SVIL: variants seen among roughly 807,000 people sequenced by gnomAD.
SVIL encodes archvillin.
Under a neutral mutation model 240.4 loss-of-function variants are expected in SVIL, and 101 were observed. The ratio of observed to expected loss-of-function variants is 0.42; its 90% CI spans 0.36 to 0.50. The LOEUF (loss-of-function observed/expected upper bound fraction) is 0.50. SVIL is among the 20% of genes least tolerant of loss of function. The probability of loss-of-function intolerance (pLI) is 0.01; values close to 1 mark genes in which losing one functional copy is unlikely to be tolerated. For synonymous variants in SVIL, 999 were observed against 1,100.0 expected (o/e 0.91, Z 1.82); for missense variants, 2,512 against 2,818.7 (o/e 0.89, Z 2.46).
chr10:29,515,532 T>C (rs1414902922), intron 16 of SVIL, among the ~76,000 whole-genome samples: 1 of 152,210 alleles, frequency 6.6e-6, no homozygotes, highest in Non-Finnish European at 1.5e-5. Context: ...TCCTTCCAGT[T>C]CATGATCTTG....
intron 12 of SVIL, among the ~76,000 whole-genome samples, chr10:29,528,642 G>A (rs1311171131): frequency 6.6e-6 from 1 of 152,132 alleles, no homozygotes; most frequent in Non-Finnish European, 1.5e-5. Context: ...GGAGGCTGAG[G>A]TTGGAGGGTC....
chr10:29,593,354 T>C (rs1956461984), intron 1 of SVIL, among the ~76,000 whole-genome samples: 1 of 152,186 alleles, frequency 6.6e-6, no homozygotes, highest in Non-Finnish European at 1.5e-5. Context: ...ACATAAAGGA[T>C]ATAGGCTGGT....
intron 2 of SVIL, among the ~76,000 whole-genome samples, chr10:29,663,547 G>A (rs1224279797): frequency 6.6e-6 from 1 of 152,084 alleles, no homozygotes; most frequent in Non-Finnish European, 1.5e-5. Flanking sequence ...GTAGAGACGG[G>A]GTTTCACCAT....
chr10:29,656,141 T>C (rs1247007546), intron 3 of SVIL, among the ~76,000 whole-genome samples: 2 of 151,842 alleles, frequency 1.3e-5, no homozygotes, highest in Non-Finnish European at 2.9e-5. Context: ...AGTGCTGGTA[T>C]TACAGGTGTG....
At chr10:29,466,773 T>C (rs1944976775) in intron 33 of SVIL, among the ~76,000 whole-genome samples, 1 of 152,188 alleles carries the variant, frequency 6.6e-6, no homozygotes, top group East Asian at 1.9e-4. Flanking sequence ...TTTTTTAAAA[T>C]AGATATTATA....
At chr10:29,642,594 A>G (rs916642307) in intron 3 of SVIL, among the ~76,000 whole-genome samples, 4 of 152,184 alleles carry the variant, frequency 2.6e-5, no homozygotes, top group African/African-American at 9.7e-5. Context: ...TCATATTACC[A>G]GGACCTAGCA....
chr10:29,496,724 A>C (rs1458909476), intron 18 of SVIL, among the ~76,000 whole-genome samples: 1 of 152,266 alleles, frequency 6.6e-6, no homozygotes, highest in Non-Finnish European at 1.5e-5. Flanking sequence ...TCTAGGTACA[A>C]CAACCAGTCA....
chr10:29,471,326 T>C, intron 30 of SVIL, 83 bp from the exon 31 acceptor site: 2 of 1,102,060 alleles, frequency 1.8e-6, no homozygotes, highest in East Asian at 5.3e-5. Flanking sequence ...TTGCAGAAAA[T>C]CTGAAAAATA....
At chr10:29,507,562 T>TACAC (rs57620492) in intron 17 of SVIL, among the ~76,000 whole-genome samples, 66,605 of 151,006 alleles carry the variant, frequency 0.44, 15,269 homozygotes, top group African/African-American at 0.55. Context: ...CACTCATAGA[T>TACAC]ACACACTCTC....
At chr10:29,663,353 CT>C (rs1959179938) in intron 2 of SVIL, among the ~76,000 whole-genome samples, 1 of 152,086 alleles carries the variant, frequency 6.6e-6, no homozygotes, top group African/African-American at 2.4e-5. Flanking sequence ...CTTTTCTGTA[CT>C]TTACCTCTCA....
chr10:29,735,186 G>C lies in SVIL; in HGVS notation c.-400+565C>G, dbSNP rs1381290083. Among the ~76,000 whole-genome samples the C allele has an allele frequency of 6.6e-6, 1 of 152,122 alleles. No individual in the cohort carries two copies. The highest frequency in any genetic ancestry group is 6.5e-5 in the Admixed American group (1 of 15,290). ...CGCAGAAACGTGGGCAGCTGGGGTGGCCTGGCGCACCACGCATCGGGTTCA... is the reference window on the plus strand; with the variant it reads ...CGCAGAAACGTGGGCAGCTGGGGTGCCCTGGCGCACCACGCATCGGGTTCA... On this transcript the variant is annotated intron_variant, in intron 1 of 35. Coordinates refer to the SVIL transcript ENST00000375400. The surrounding 1 kb of genome is among the most constrained non-coding windows in gnomAD (Gnocchi z 4.1).
chr10:29,642,693 T>A (rs1157294471), intron 3 of SVIL, among the ~76,000 whole-genome samples: 3 of 151,912 alleles, frequency 2.0e-5, no homozygotes, highest in African/African-American at 7.3e-5. Context: ...TCTCTCTCTC[T>A]TTTTTTTGGA....
intron 11 of SVIL, among the ~76,000 whole-genome samples, chr10:29,530,212 G>T (rs890168001): frequency 6.6e-6 from 1 of 152,134 alleles, no homozygotes; most frequent in African/African-American, 2.4e-5. Flanking sequence ...TTCAAGGAAA[G>T]GAAATGGGGG....
chr10:29,642,696 T>G (rs1958529705), intron 3 of SVIL, among the ~76,000 whole-genome samples: 1 of 152,116 alleles, frequency 6.6e-6, no homozygotes, highest in Non-Finnish European at 1.5e-5. Context: ...CTCTCTCTTT[T>G]TTTTGGAGAC....
At position 29,665,227 on chromosome 10, in the gene SVIL, CAAAAAAA is replaced by C. The variant is rs58164251; in HGVS notation, c.-300-7166_-300-7160del. On this transcript the variant is annotated intron_variant, in intron 2 of 35. Coordinates refer to the SVIL transcript ENST00000375400. The stretch of plus-strand genomic sequence containing the variant: ...TGGGTGACAGAGCAAGATCTTGTCT[CAAAAAAA>C]AAAAAAAAAAAAAAAAAGGAGGCAA... Among the ~76,000 whole-genome samples, 4 of 67,408 alleles carry C rather than the reference CAAAAAAA, an allele frequency of 5.9e-5. No individual in the cohort carries two copies. In the Admixed American group the frequency reaches 7.5e-4, roughly 13 times the overall value. 44.2% of individuals were successfully genotyped at this position (67,408 alleles called of 152,430 possible).
At chr10:29,625,505 C>G (rs1449462096) in intron 1 of SVIL, among the ~76,000 whole-genome samples, 2 of 152,046 alleles carry the variant, frequency 1.3e-5, no homozygotes, top group Non-Finnish European at 2.9e-5. Context: ...ACTCTGTTGC[C>G]CAGGCTGGAG....
rs190906226 is a variant in SVIL at position 29,527,788 on chromosome 10, C to T, written c.2247-732G>A. 7.0e-3 allele frequency among the ~76,000 whole-genome samples: 891 copies of T among 127,138 alleles called. 3 individuals carry two copies. Among genetic ancestry groups the T allele is most frequent in the Non-Finnish European group, 0.011 (670 of 60,516 alleles). The allele number at this position is 127,138 out of a possible 152,430, so 83.4% of individuals were successfully genotyped here. On this transcript the variant is annotated intron_variant, in intron 12 of 37. Transcript: ENST00000355867. ...TCGCCCAGGCTGGAATGCAGTGGCG[C>T]GATCTCGGCTCACTGCAGCCTCCAC...
chr10:29,668,534 C>A (rs143526201), intron 2 of SVIL, among the ~76,000 whole-genome samples: 7 of 152,246 alleles, frequency 4.6e-5, no homozygotes, highest in South Asian at 4.1e-4. Context: ...AGTGCAATGG[C>A]GCCATCTCAG....
At chr10:29,486,323 ATT>A in intron 25 of SVIL, 85 bp downstream of exon 25, 1 of 1,589,946 alleles carries the variant, frequency 6.3e-7, no homozygotes, top group Non-Finnish European at 8.6e-7. Flanking sequence ...GTAAAATTTT[ATT>A]TACAATGTAA....
Sources: gnomAD v4.1 joint callset for allele counts (sites outside exome capture counted in the v4.1 genomes callset) on GRCh38, gnomAD v4.1.1 for gene constraint, Gnocchi (gnomAD v3.1) non-coding constraint, MANE v1.5 for transcripts, NCBI Gene and HGNC (gene_info 2026-07-23, HGNC 2026-07-21) for gene names.